Variants in NAA25 observed in about 807,000 individuals in gnomAD.
The protein encoded by NAA25 is N-alpha-acetyltransferase 25, NatB auxiliary subunit.
A neutral mutation model predicts 132.5 loss-of-function variants in NAA25; 30 were observed. That is an observed-to-expected ratio of 0.23 (90% CI 0.17 to 0.31). The LOEUF (loss-of-function observed/expected upper bound fraction) is 0.31, where lower values mean the gene tolerates loss of function less well. Among genes scored for constraint, NAA25 ranks in the 10% least tolerant of loss-of-function variants. The pLI is 1.00. For synonymous variants in NAA25, 359 were observed against 401.9 expected, an observed-to-expected ratio of 0.89 and a Z score of 1.28; for missense variants, 771 against 1,150.4, an observed-to-expected ratio of 0.67 and a Z score of 4.77.
intron 5 of NAA25, among the ~76,000 whole-genome samples, chr12:112,079,701 C>T (rs2078942667): frequency 6.6e-6 from 1 of 152,162 alleles, no homozygotes; most frequent in Non-Finnish European, 1.5e-5. Flanking sequence ...TAAATCCTTC[C>T]TCCCCATCCT....
chr12:112,108,760 C>T lies in NAA25; in HGVS notation c.14G>A (p.Gly5Asp). Residue 5 changes from glycine (G) to aspartate (D), a missense_variant, in exon 1 of 24, where the codon GGC becomes GAC. By Grantham distance (94) the Gly-to-Asp change is moderately conservative. Transcript: ENST00000261745. ...CCTGTCGTTAGGGTCCTGCACATGG[C>T]CCCGCGTCGCCATGATGACAAGCGC... MATR[G>D]HVQDPNDRRL... 1 of 1,524,896 alleles carries T rather than the reference C, an allele frequency of 6.6e-7. No homozygotes were observed. The highest frequency in any genetic ancestry group is 2.6e-5 in the East Asian group (1 of 37,870). The allele number at this position is 1,524,896 out of a possible 1,614,324, so 94.5% of individuals were successfully genotyped here. A position where few individuals can be genotyped will look rare whatever the true frequency, so the allele number is the denominator to read the frequency against.
chr12:112,042,905 G>A (rs2078322078), intron 19 of NAA25, among the ~76,000 whole-genome samples, 183 bp downstream of exon 19: 2 of 152,214 alleles, frequency 1.3e-5, no homozygotes. Context: ...ATGGACTTAA[G>A]CTTCTAAAAC....
Position 112,033,213 on chromosome 12 carries a change from G to A in NAA25, c.2796+20C>T, listed in dbSNP as rs199917771. The A allele has an allele frequency of 5.8e-4, 928 of 1,588,784 alleles. 8 individuals are homozygous for A. The highest frequency in any genetic ancestry group is 3.4e-4 in the Middle Eastern group (2 of 5,910). On this transcript the variant is annotated intron_variant, in intron 23 of 23. Coordinates refer to ENST00000261745, the MANE Select transcript of NAA25 (RefSeq NM_024953.4). Reference sequence around the variant, plus strand: ...TTGTGTGTGTGTAGAAAACATTGCCGATTGCCTACAATCTCTTACCGGTGA... The same window carrying A: ...TTGTGTGTGTGTAGAAAACATTGCCAATTGCCTACAATCTCTTACCGGTGA...
chr12:112,080,921 T>C (rs1230611422), intron 5 of NAA25, 139 bp downstream of exon 5: 4 of 769,602 alleles, frequency 5.2e-6, no homozygotes, highest in Non-Finnish European at 9.2e-6. Context: ...TGAGCTATGA[T>C]TGCACCACTG....
Position 112,033,346 on chromosome 12 carries a change from T to G in NAA25, c.2683A>C (p.Thr895Pro). The change falls in exon 23 of 24, where the codon ACT becomes CCT. Residue 895 changes from threonine to proline, a missense_variant. Physicochemically the swap from Thr to Pro is conservative, Grantham distance 38 (BLOSUM62 -1). Around this residue, in one of 3 missense-constraint regions of NAA25, gnomAD observed 324 missense variants for 400.0 expected, o/e 0.81. Transcript: ENST00000261745. ...TTGGAAATTAAAGTCTGAAGCCCAG[T>G]AACATAGTCTTGGAAACTGGTAAAG... ...PVFTSFQDYV[T>P]GLQTLISNVV... 2 of 1,612,028 alleles carry G rather than the reference T, an allele frequency of 1.2e-6. No homozygotes were observed. Among genetic ancestry groups the G allele is most frequent in the Admixed American group, 3.4e-5 (2 of 59,478 alleles).
At chr12:112,099,317 T>G (rs2079258696) in intron 1 of NAA25, among the ~76,000 whole-genome samples, 1 of 151,246 alleles carries the variant, frequency 6.6e-6, no homozygotes, top group African/African-American at 2.4e-5. Flanking sequence ...AAGGAATAGG[T>G]CCTGAAGTTT....
chr12:112,100,455 C>A (rs1021725091), intron 1 of NAA25, among the ~76,000 whole-genome samples: 2 of 152,020 alleles, frequency 1.3e-5, no homozygotes, highest in Non-Finnish European at 1.5e-5. Context: ...GCCACCACAC[C>A]TGGCCTTGCT....
Position 112,042,077 on chromosome 12 carries a change from A to G in NAA25, c.2402T>C (p.Ile801Thr), listed in dbSNP as rs1373568840. 4 of 1,488,724 alleles carry G rather than the reference A, an allele frequency of 2.7e-6. No homozygotes were observed. Among genetic ancestry groups the G allele is most frequent in the South Asian group, 1.4e-5 (1 of 73,198 alleles). 92.2% of individuals were successfully genotyped at this position (1,488,724 alleles called of 1,614,324 possible). A position where few individuals can be genotyped will look rare whatever the true frequency, so the allele number is the denominator to read the frequency against. Residue 801 changes from isoleucine (I) to threonine (T), a missense_variant, in exon 20 of 24, where the codon ATA (isoleucine) becomes ACA (threonine). Coordinates refer to ENST00000261745, the MANE Select transcript of NAA25 (RefSeq NM_024953.4). ...LEDTMEIQER[I>T]ENSFKSLLDQ... ...TAGTAAAGACTTAAAACTATTTTCT[A>G]TTCGTTCCTGAATCTCCATTGTATC... is the stretch of plus-strand genomic sequence containing the variant.
intron 23 of NAA25, 141 bp from the exon 24 acceptor site, chr12:112,029,794 G>A: frequency 8.2e-7 from 1 of 1,214,018 alleles, no homozygotes; most frequent in African/African-American, 1.5e-5. Flanking sequence ...ATTTTCAATT[G>A]CATAAAATGC....
rs1188016564 is a variant in NAA25, at chr12:112,092,197, T to C, written c.144+854A>G. 3.3e-5 allele frequency among the ~76,000 whole-genome samples: 5 copies of C among 150,142 alleles called. No individual in the cohort carries two copies. In the East Asian group the frequency reaches 8.2e-4, roughly 25 times the overall value. On this transcript the variant is annotated intron_variant, in intron 2 of 23. Coordinates refer to ENST00000261745, the MANE Select transcript of NAA25 (RefSeq NM_024953.4). Reference sequence around the variant, plus strand: ...CAGAGGTTGCAGTGAGCCAATATCGTGCCACTGCACTCTAGCCTGGGCAAC... The same window carrying C: ...CAGAGGTTGCAGTGAGCCAATATCGCGCCACTGCACTCTAGCCTGGGCAAC...
intron 17 of NAA25, 117 bp from the exon 18 acceptor site, chr12:112,043,985 T>G: frequency 9.8e-7 from 1 of 1,015,822 alleles, no homozygotes; most frequent in Non-Finnish European, 1.4e-6. Flanking sequence ...TGGAGTGCAG[T>G]GGCACTATCT....
At position 112,026,710 on chromosome 12, in the gene NAA25, T is replaced by A. The variant is rs2078090731; in HGVS notation, c.*2821A>T. 6.6e-6 allele frequency: 1 copy of A among 152,214 alleles called. No individual in the cohort carries two copies. Among genetic ancestry groups the A allele is most frequent in the African/African-American group, 2.4e-5 (1 of 41,456 alleles). 9.4% of individuals were successfully genotyped at this position (152,214 alleles called of 1,614,324 possible). A position where few individuals can be genotyped will look rare whatever the true frequency, so the allele number is the denominator to read the frequency against. On this transcript the variant is annotated 3_prime_UTR_variant, in exon 24 of 24. Coordinates refer to ENST00000261745, the MANE Select transcript of NAA25 (RefSeq NM_024953.4). ...GAAATGCCAACTTAAAATGAAAATGTTTATATAAATTAACCCATCCAGTTT... is the reference window on the plus strand; with the variant it reads ...GAAATGCCAACTTAAAATGAAAATGATTATATAAATTAACCCATCCAGTTT...
Position 112,038,998 on chromosome 12 carries a change from C to CA in NAA25, c.2649+230dup, listed in dbSNP as rs1343197721. Among the ~76,000 whole-genome samples the CA allele has an allele frequency of 3.4e-4, 52 of 151,250 alleles. No homozygotes were observed. In the Middle Eastern group the frequency reaches 0.014, roughly 40 times the overall value. ...CATCTCAAACAAAAACAAAACAAAA[C>CA]AAAAAAAACACTAACAATAGCTGAT... On this transcript the variant is annotated intron_variant, in intron 22 of 23. Transcript: ENST00000261745.
At position 112,053,565 on chromosome 12, in the gene NAA25, T is replaced by C. The variant is rs370661609; in HGVS notation, c.1721A>G (p.Gln574Arg). ...AAATAGTTTTTCACTTACATCTTTC[T>C]GGTTGGAGTGAAAAAACCTGAGTGC... ...NFALRFFHSN[Q>R]KDTSEYIIQA... is the part of the protein sequence containing the mutation. Residue 574 changes from glutamine (Q) to arginine (R), a missense_variant, in exon 15 of 24, where the codon CAG (glutamine) becomes CGG (arginine). Around this residue, in one of 3 missense-constraint regions of NAA25, gnomAD observed 417 missense variants for 733.8 expected, o/e 0.57. Transcript: ENST00000261745. The C allele has an allele frequency of 2.4e-4, 379 of 1,602,834 alleles. No individual in the cohort carries two copies. The highest frequency in any genetic ancestry group is 6.7e-4 in the Admixed American group (40 of 59,274).
intron 4 of NAA25, among the ~76,000 whole-genome samples, chr12:112,086,069 TATATACACAC>T (rs1184625781): frequency 8.9e-4 from 52 of 58,466 alleles, no homozygotes; most frequent in African/African-American, 6.4e-3. Context: ...TATATATATA[TATATACACAC>T]ACACACACAC....
Position 112,029,660 on chromosome 12 carries a change from A to C in NAA25, c.2797-7T>G, listed in dbSNP as rs752012665. 1 of 1,610,992 alleles carries C rather than the reference A, an allele frequency of 6.2e-7. No individual in the cohort carries two copies. Among genetic ancestry groups the C allele is most frequent in the South Asian group, 1.1e-5 (1 of 90,788 alleles). On this transcript the variant is annotated splice_region_variant and splice_polypyrimidine_tract_variant and intron_variant, in intron 23 of 23. Coordinates refer to ENST00000261745, the MANE Select transcript of NAA25 (RefSeq NM_024953.4). Reference sequence around the variant, plus strand: ...TTGAAAATTTTCTCTCTTCCTATAAAGGAGGAGACAAGAATAATTAGTCTT... The same window carrying C: ...TTGAAAATTTTCTCTCTTCCTATAACGGAGGAGACAAGAATAATTAGTCTT...
chr12:112,047,526 C>T (rs1566003051), intron 17 of NAA25, 139 bp downstream of exon 17: 2 of 1,048,626 alleles, frequency 1.9e-6, no homozygotes, highest in African/African-American at 3.2e-5. Flanking sequence ...GCCACCGTGC[C>T]CAGCCCAACC....
intron 13 of NAA25, among the ~76,000 whole-genome samples, chr12:112,056,664 T>G (rs1205730922): frequency 2.0e-5 from 3 of 152,254 alleles, no homozygotes; most frequent in Non-Finnish European, 4.4e-5. Flanking sequence ...TCTATTGATT[T>G]CTAAGTTCTG....
chr12:112,030,423 C>T (rs2078134235), intron 23 of NAA25, among the ~76,000 whole-genome samples: 1 of 152,028 alleles, frequency 6.6e-6, no homozygotes, highest in African/African-American at 2.4e-5. Flanking sequence ...ATCATCATAG[C>T]CACTTTTAAT....
Sources: gnomAD v4.1 joint callset for allele counts (sites outside exome capture counted in the v4.1 genomes callset) on GRCh38, gnomAD v4.1.1 for gene constraint, gnomAD v4.1.1 regional missense constraint, MANE v1.5 for transcripts, NCBI Gene and HGNC (gene_info 2026-07-23, HGNC 2026-07-21) for gene names.